GLIS1: variants seen among roughly 807,000 people sequenced by gnomAD.
GLIS1 encodes zinc finger protein GLIS1.
A neutral mutation model predicts 63.8 loss-of-function variants in GLIS1; 24 were observed. The ratio of observed to expected loss-of-function variants is 0.38; its 90% CI spans 0.27 to 0.53. The LOEUF is 0.53. Ranked by LOEUF, GLIS1 falls within the 20% of genes least tolerant of loss-of-function variation. GLIS1 has a pLI of 0.85. For missense variants in GLIS1, 1,036 were observed against 1,074.1 expected (o/e 0.96, Z 0.50); for synonymous variants, 450 against 482.5 (o/e 0.93, Z 0.88).
At chr1:53,637,055 C>T (rs1160608111) in intron 2 of GLIS1, among the ~76,000 whole-genome samples, 1 of 152,170 alleles carries the variant, frequency 6.6e-6, no homozygotes, top group Admixed American at 6.5e-5. Flanking sequence ...GCTGCCTCCT[C>T]AGTGGGGCCT....
intron 4 of GLIS1, among the ~76,000 whole-genome samples, chr1:53,540,173 A>G (rs2100365423): frequency 6.6e-6 from 1 of 152,232 alleles, no homozygotes; most frequent in South Asian, 2.1e-4. Flanking sequence ...AGAGGCAGAC[A>G]TAAGACCCCA....
At chr1:53,633,644 T>C (rs1268420396) in intron 2 of GLIS1, among the ~76,000 whole-genome samples, 2 of 152,042 alleles carry the variant, frequency 1.3e-5, no homozygotes, top group Non-Finnish European at 2.9e-5. Flanking sequence ...AAGCAACATT[T>C]CTTGTGTCTC....
intron 2 of GLIS1, among the ~76,000 whole-genome samples, chr1:53,709,417 C>CATATATAG (rs879357045): frequency 8.1e-6 from 1 of 122,786 alleles, no homozygotes; most frequent in Admixed American, 8.0e-5. Flanking sequence ...TATATACACA[C>CATATATAG]ACACACACAC....
At chr1:53,655,297 G>A (rs1302239739) in intron 2 of GLIS1, among the ~76,000 whole-genome samples, 1 of 152,184 alleles carries the variant, frequency 6.6e-6, no homozygotes, top group Non-Finnish European at 1.5e-5. Flanking sequence ...ACTGAGGTTT[G>A]ATAATCACTG....
At chr1:53,516,457 C>T (rs1227269244) in intron 7 of GLIS1, among the ~76,000 whole-genome samples, 1 of 151,674 alleles carries the variant, frequency 6.6e-6, no homozygotes, top group Non-Finnish European at 1.5e-5. Context: ...TGAAACTGCA[C>T]GGATTAACAA....
chr1:53,515,723 C>A (rs1011337475), intron 7 of GLIS1, among the ~76,000 whole-genome samples: 4 of 150,432 alleles, frequency 2.7e-5, no homozygotes, highest in African/African-American at 9.9e-5. Context: ...CCAAGAAACC[C>A]TAATCAGAGT....
At chr1:53,537,945 A>T (rs1644598668) in intron 4 of GLIS1, among the ~76,000 whole-genome samples, 1 of 152,268 alleles carries the variant, frequency 6.6e-6, no homozygotes, top group Admixed American at 6.5e-5. Flanking sequence ...TACAACAATG[A>T]TGTGGATGGG....
intron 2 of GLIS1, among the ~76,000 whole-genome samples, chr1:53,638,472 G>A (rs1645750773): frequency 6.6e-6 from 1 of 152,182 alleles, no homozygotes; most frequent in African/African-American, 2.4e-5. Flanking sequence ...AGCCACTACA[G>A]AGAGTGAGAA....
chr1:53,620,218 T>G (rs909256035), intron 2 of GLIS1, among the ~76,000 whole-genome samples: 15 of 152,188 alleles, frequency 9.9e-5, no homozygotes, highest in African/African-American at 3.1e-4. Context: ...CACTTCACGT[T>G]TACACAGATG....
chr1:53,633,358 G>A (rs1645688610), intron 2 of GLIS1, among the ~76,000 whole-genome samples: 1 of 144,348 alleles, frequency 6.9e-6, no homozygotes, highest in Admixed American at 6.9e-5. Flanking sequence ...TGGCTGAGGG[G>A]CATGTGAATG....
chr1:53,542,675 T>C (rs114961707), intron 4 of GLIS1, among the ~76,000 whole-genome samples: 3 of 152,308 alleles, frequency 2.0e-5, no homozygotes, highest in South Asian at 2.1e-4. Flanking sequence ...GCCAGACGCA[T>C]GTACATGGCA....
intron 5 of GLIS1, among the ~76,000 whole-genome samples, chr1:53,529,032 C>T (rs1557433793): frequency 6.6e-6 from 1 of 152,192 alleles, no homozygotes; most frequent in South Asian, 2.1e-4. Flanking sequence ...CTCAGGTGTC[C>T]CACTTCCCTA....
intron 2 of GLIS1, among the ~76,000 whole-genome samples, chr1:53,672,118 G>C (rs151280226): frequency 3.7e-4 from 56 of 152,296 alleles, no homozygotes; most frequent in African/African-American, 1.3e-3. Context: ...AAGCAGCCCT[G>C]AACCCATCCC....
At chr1:53,644,917 T>G (rs1048754056) in intron 2 of GLIS1, among the ~76,000 whole-genome samples, 1 of 152,230 alleles carries the variant, frequency 6.6e-6, no homozygotes, top group Non-Finnish European at 1.5e-5. Flanking sequence ...CTGTCTCGCT[T>G]ATTTGTTGGT....
At chr1:53,674,831 A>G (rs1266564782) in intron 2 of GLIS1, among the ~76,000 whole-genome samples, 2 of 152,170 alleles carry the variant, frequency 1.3e-5, no homozygotes, top group Admixed American at 6.5e-5. Flanking sequence ...TTTCTCTTTT[A>G]CAGAAAAGGA....
intron 2 of GLIS1, among the ~76,000 whole-genome samples, chr1:53,692,719 T>G (rs2100464881): frequency 6.6e-6 from 1 of 152,320 alleles, no homozygotes; most frequent in East Asian, 1.9e-4. Context: ...AGGGCTTGGC[T>G]AGAAGTTGGC....
chr1:53,621,876 T>C (rs1255860208), intron 2 of GLIS1, among the ~76,000 whole-genome samples: 1 of 152,038 alleles, frequency 6.6e-6, no homozygotes, highest in African/African-American at 2.4e-5. Context: ...AGTGGTGCAA[T>C]CTCCGCTCAC....
chr1:53,657,516 C>T (rs1419719369), intron 2 of GLIS1, among the ~76,000 whole-genome samples: 1 of 152,158 alleles, frequency 6.6e-6, no homozygotes, highest in Non-Finnish European at 1.5e-5. Flanking sequence ...TATGAGCCTG[C>T]CTTTATAAGG....
intron 2 of GLIS1, among the ~76,000 whole-genome samples, chr1:53,616,220 C>A (rs1645481255): frequency 6.6e-6 from 1 of 152,176 alleles, no homozygotes; most frequent in South Asian, 2.1e-4. Flanking sequence ...CCCTGCCCGG[C>A]CTAAATTTTC....
Sources: gnomAD v4.1 joint callset for allele counts (sites outside exome capture counted in the v4.1 genomes callset) on GRCh38, gnomAD v4.1.1 for gene constraint, MANE v1.5 for transcripts, NCBI Gene and HGNC (gene_info 2026-07-23, HGNC 2026-07-21) for gene names.